The following IPP variants were observed in gnomAD, a reference collection of about 807,000 sequenced individuals.
The protein encoded by IPP is intracisternal A particle-promoted polypeptide.
Under a neutral mutation model 64.1 loss-of-function variants are expected in IPP, and 41 were observed. That is an observed-to-expected ratio of 0.64 (90% CI 0.50 to 0.83). The LOEUF (loss-of-function observed/expected upper bound fraction) is 0.83, where lower values mean the gene tolerates loss of function less well. IPP is among the 40% of genes least tolerant of loss of function. The pLI is 0.00. For missense variants in IPP, 649 were observed against 703.0 expected (o/e 0.92, Z 0.87); for synonymous variants, 214 against 235.2 (o/e 0.91, Z 0.83).
chr1:45,728,714 T>C (rs1250132596), intron 4 of IPP, among the ~76,000 whole-genome samples: 22 of 152,236 alleles, frequency 1.4e-4, no homozygotes, highest in Admixed American at 1.4e-3. Flanking sequence ...TAGACTGGTC[T>C]TGAACTTCTG....
chr1:45,724,753 G>A (rs1397512959), intron 5 of IPP, among the ~76,000 whole-genome samples: 2 of 149,740 alleles, frequency 1.3e-5, no homozygotes, highest in African/African-American at 4.9e-5. Flanking sequence ...CAACCGCCCC[G>A]TCTAAGAAGT....
intron 3 of IPP, 122 bp from the exon 4 acceptor site, chr1:45,729,891 G>A: frequency 1.6e-6 from 1 of 621,418 alleles, no homozygotes; most frequent in African/African-American, 1.9e-5. Flanking sequence ...ATCAAACAAT[G>A]GTGTTTGTTT....
intron 8 of IPP, among the ~76,000 whole-genome samples, chr1:45,704,557 A>G (rs1645493700): frequency 6.6e-6 from 1 of 152,120 alleles, no homozygotes; most frequent in Admixed American, 6.5e-5. Context: ...TTTAACTGAC[A>G]GAAAAGGTAT....
downstream of IPP, among the ~76,000 whole-genome samples, chr1:45,697,664 G>A (rs1645398850): frequency 6.6e-6 from 1 of 152,096 alleles, no homozygotes; most frequent in Non-Finnish European, 1.5e-5. Context: ...CCTTAGCAAA[G>A]AAATGGGAAA....
intron 8 of IPP, among the ~76,000 whole-genome samples, chr1:45,702,195 A>C (rs1319658945): frequency 3.3e-5 from 5 of 151,940 alleles, no homozygotes; most frequent in South Asian, 4.1e-4. Flanking sequence ...TTCTTCTTTC[A>C]TTTCTACCAG....
chr1:45,721,494 G>A (rs1433113259), intron 5 of IPP, among the ~76,000 whole-genome samples: 1 of 152,242 alleles, frequency 6.6e-6, no homozygotes, highest in Non-Finnish European at 1.5e-5. Context: ...AGCATGTCAT[G>A]TGTGACTGTG....
intron 8 of IPP, among the ~76,000 whole-genome samples, chr1:45,713,934 C>T (rs1312299923): frequency 1.3e-5 from 2 of 151,906 alleles, no homozygotes; most frequent in Non-Finnish European, 2.9e-5. Context: ...TATCAGTGCA[C>T]TCCAGCTGGG....
chr1:45,720,365 G>A (rs1205102629), intron 5 of IPP, among the ~76,000 whole-genome samples: 1 of 152,012 alleles, frequency 6.6e-6, no homozygotes. Flanking sequence ...AATAAATGAA[G>A]AGATGAATAA....
intron 2 of IPP, among the ~76,000 whole-genome samples, chr1:45,744,774 G>C (rs1429591079): frequency 6.6e-6 from 1 of 151,794 alleles, no homozygotes; most frequent in African/African-American, 2.4e-5. Context: ...GGGAGGCGGA[G>C]GTTGCAGTGA....
intron 4 of IPP, among the ~76,000 whole-genome samples, chr1:45,728,461 T>C (rs1645862815): frequency 6.6e-6 from 1 of 151,946 alleles, no homozygotes; most frequent in Admixed American, 6.6e-5. Context: ...ATGCTATATA[T>C]TATATGTATT....
chr1:45,739,186 T>A (rs1004135160), intron 3 of IPP, among the ~76,000 whole-genome samples: 35 of 152,320 alleles, frequency 2.3e-4, no homozygotes, highest in African/African-American at 8.2e-4. Context: ...GTATTTAACT[T>A]GTAATAAAAT....
rs1010607259 is a variant in IPP, at chr1:45,699,568, A to C, written c.*398T>G. The C allele has an allele frequency of 4.0e-6, 4 of 991,766 alleles. No homozygotes were observed. Among genetic ancestry groups the C allele is most frequent in the Non-Finnish European group, 1.2e-6 (1 of 833,250 alleles). 61.4% of individuals were successfully genotyped at this position (991,766 alleles called of 1,614,324 possible). ...CTACAGCATAAATGGCATTTCTATTATTAGTAAACCTGGCAAATCTGTGTG... is the reference window on the plus strand; with the variant it reads ...CTACAGCATAAATGGCATTTCTATTCTTAGTAAACCTGGCAAATCTGTGTG... On this transcript the variant is annotated 3_prime_UTR_variant, in exon 9 of 9. Transcript: ENST00000396478.
At chr1:45,741,738 C>T (rs1011780629) in intron 2 of IPP, among the ~76,000 whole-genome samples, 1 of 102,790 alleles carries the variant, frequency 9.7e-6, no homozygotes, top group African/African-American at 3.4e-5. Flanking sequence ...ACGCCATTCT[C>T]CTGCCTCAGC....
chr1:45,719,675 T>C (rs1029317851), intron 5 of IPP, among the ~76,000 whole-genome samples: 2 of 152,218 alleles, frequency 1.3e-5, no homozygotes, highest in African/African-American at 2.4e-5. Context: ...TGGCTGGCCC[T>C]GGTACAATTT....
intron 3 of IPP, 34 bp from the exon 4 acceptor site, chr1:45,729,803 C>G: frequency 2.3e-6 from 3 of 1,295,278 alleles, no homozygotes; most frequent in Non-Finnish European, 3.2e-6. Flanking sequence ...ATGTTTTAAA[C>G]AATTTTTAAA....
At chr1:45,709,432 CA>C (rs71058701) in intron 8 of IPP, among the ~76,000 whole-genome samples, 48 of 66,180 alleles carry the variant, frequency 7.3e-4, no homozygotes, top group Admixed American at 5.0e-3. Context: ...GACTCCGTCT[CA>C]AAAAAAAAAA....
At chr1:45,711,230 T>A (rs1251905834) in intron 8 of IPP, among the ~76,000 whole-genome samples, 1 of 151,358 alleles carries the variant, frequency 6.6e-6, no homozygotes, top group Non-Finnish European at 1.5e-5. Flanking sequence ...TAGTCCCAGC[T>A]ACTCGGGAGG....
Position 45,699,953 on chromosome 1 carries a change from T to TA in IPP, c.*12dup. 6.2e-7 allele frequency: 1 copy of TA among 1,613,834 alleles called. No individual in the cohort carries two copies. Among genetic ancestry groups the TA allele is most frequent in the South Asian group, 1.1e-5 (1 of 91,066 alleles). On this transcript the variant is annotated 3_prime_UTR_variant, in exon 9 of 9. Transcript: ENST00000396478. ...TTTCAAAATGTTCCTTGTGCTCTGT[T>TA]ATGCTTTATATTTCATAGCACAGCA...
intron 3 of IPP, among the ~76,000 whole-genome samples, chr1:45,735,553 G>C (rs1251182272): frequency 1.6e-5 from 2 of 126,318 alleles, no homozygotes; most frequent in Non-Finnish European, 3.1e-5. Context: ...GCTCACTGCA[G>C]CCTCGACCTC....
Sources: allele counts gnomAD v4.1 joint callset (sites outside exome capture counted in the v4.1 genomes callset), GRCh38; gene constraint gnomAD v4.1.1; transcripts MANE v1.5; gene names NCBI Gene and HGNC (gene_info 2026-07-23, HGNC 2026-07-21).